Variants in FLI1 observed in about 807,000 individuals in gnomAD.
FLI1 encodes the protein Fli-1 proto-oncogene, ETS transcription factor.
In FLI1, 13 loss-of-function variants were observed where a neutral mutation model predicts 53.1. The ratio of observed to expected loss-of-function variants is 0.24; its 90% CI spans 0.16 to 0.39. The LOEUF is 0.39. Ranked by LOEUF, FLI1 falls within the 10% of genes least tolerant of loss-of-function variation. FLI1 has a pLI of 1.00. For synonymous variants in FLI1, 244 were observed against 236.7 expected (o/e 1.03, Z -0.28); for missense variants, 424 against 600.5 (o/e 0.71, Z 3.07).
chr11:128,753,121 A>G (rs373000646), intron 1 of FLI1, among the ~76,000 whole-genome samples: 10 of 152,318 alleles, frequency 6.6e-5, no homozygotes, highest in African/African-American at 2.4e-4. Flanking sequence ...CACCCTCTGG[A>G]TCTAGGACTC....
At chr11:128,694,752 C>T (rs573029203) in intron 1 of FLI1, among the ~76,000 whole-genome samples, 1 of 152,306 alleles carries the variant, frequency 6.6e-6, no homozygotes, top group African/African-American at 2.4e-5. Flanking sequence ...CTGGTGGGCC[C>T]TGGGGTGGGT....
rs117363142 is a variant in FLI1, at chr11:128,713,966, G to A, written c.18+19690G>A. Among the ~76,000 whole-genome samples, 629 of 152,264 alleles carry A rather than the reference G, an allele frequency of 4.1e-3. 5 individuals are homozygous for A. The highest frequency in any genetic ancestry group is 7.1e-3 in the Admixed American group (108 of 15,298). ...ATTTTCTTAGCCACTCTCTTCTTCA[G>A]TAAAGGCAAGTAGAGTGTAATGAAG... On this transcript the variant is annotated intron_variant, in intron 1 of 8. Transcript: ENST00000527786.
At chr11:128,757,044 T>TC (rs1437690018) in intron 1 of FLI1, among the ~76,000 whole-genome samples, 1 of 107,028 alleles carries the variant, frequency 9.3e-6, no homozygotes, top group African/African-American at 3.6e-5. Context: ...CTAGCTAATT[T>TC]TTTCTTTCTT....
chr11:128,789,570 T>C (rs1251958089), intron 5 of FLI1, among the ~76,000 whole-genome samples: 1 of 152,210 alleles, frequency 6.6e-6, no homozygotes, highest in Non-Finnish European at 1.5e-5. Context: ...CTTTGCCTTA[T>C]TTCTCCGGGC....
intron 1 of FLI1, among the ~76,000 whole-genome samples, chr11:128,718,595 G>C (rs900769584): frequency 3.3e-5 from 5 of 152,216 alleles, no homozygotes; most frequent in Non-Finnish European, 7.3e-5. Context: ...CCTGCACCTG[G>C]AGACAACAGC....
chr11:128,768,426 A>G (rs1171660962), intron 3 of FLI1, 154 bp downstream of exon 3: 2 of 855,494 alleles, frequency 2.3e-6, no homozygotes, highest in African/African-American at 1.7e-5. Context: ...TCGCGCCTGT[A>G]ATCCCAGCAC....
chr11:128,706,556 G>A (rs1276707607), intron 1 of FLI1, among the ~76,000 whole-genome samples: 1 of 152,198 alleles, frequency 6.6e-6, no homozygotes, highest in East Asian at 1.9e-4. Flanking sequence ...GCTTCAAGAT[G>A]TAGTGTGTCA....
At position 128,728,163 on chromosome 11, in the gene FLI1, C is replaced by T. The variant is rs144417649; in HGVS notation, c.19-29952C>T. Among the ~76,000 whole-genome samples, 922 of 152,338 alleles carry T rather than the reference C, an allele frequency of 6.1e-3. 4 individuals are homozygous for T. The highest frequency in any genetic ancestry group is 0.014 in the African/African-American group (582 of 41,564). ...CATGGAGTCTGATAGTGCAGCAGGC[C>T]GGGGGCTAACGCTGTCTCCACCCAG... On this transcript the variant is annotated intron_variant, in intron 1 of 8. Transcript: ENST00000527786.
At chr11:128,760,118 T>C (rs972261030) in intron 2 of FLI1, among the ~76,000 whole-genome samples, 1 of 152,220 alleles carries the variant, frequency 6.6e-6, no homozygotes, top group African/African-American at 2.4e-5. Context: ...GATGTAATTC[T>C]GATGGTGCCG....
intron 1 of FLI1, among the ~76,000 whole-genome samples, chr11:128,732,613 G>C (rs1258569551): frequency 6.6e-6 from 1 of 152,192 alleles, no homozygotes; most frequent in Non-Finnish European, 1.5e-5. Flanking sequence ...TGAGAAAGAC[G>C]TTAAGGCCGG....
chr11:128,722,066 G>A (rs184549113), intron 1 of FLI1, among the ~76,000 whole-genome samples: 306 of 152,190 alleles, frequency 2.0e-3, no homozygotes, highest in African/African-American at 6.9e-3. Flanking sequence ...GACCCACCCC[G>A]CAGAAACCTC....
intron 1 of FLI1, among the ~76,000 whole-genome samples, chr11:128,719,032 T>G (rs1939137497): frequency 6.6e-6 from 1 of 152,218 alleles, no homozygotes; most frequent in Admixed American, 6.5e-5. Context: ...TAAAGAGCTG[T>G]TGTGAACATT....
At chr11:128,749,355 G>T (rs116202602) in intron 1 of FLI1, among the ~76,000 whole-genome samples, 3 of 152,284 alleles carry the variant, frequency 2.0e-5, no homozygotes, top group Middle Eastern at 3.4e-3. Flanking sequence ...TTCACTGAAG[G>T]CTCGTTCACT....
At chr11:128,764,910 C>T (rs1941272957) in intron 2 of FLI1, 1 of 1,374,414 alleles carries the variant, frequency 7.3e-7, no homozygotes, top group Admixed American at 2.0e-5. Context: ...AGCCCTTCTC[C>T]CTAAGGACAC....
chr11:128,780,879 A>C (rs1941894390), intron 4 of FLI1, among the ~76,000 whole-genome samples: 4 of 152,218 alleles, frequency 2.6e-5, no homozygotes, highest in Admixed American at 2.6e-4. Context: ...ATGTTTTATA[A>C]AAGCAGATCC....
intron 3 of FLI1, among the ~76,000 whole-genome samples, chr11:128,770,872 G>A (rs1220524234): frequency 6.6e-6 from 1 of 152,220 alleles, no homozygotes; most frequent in Non-Finnish European, 1.5e-5. Flanking sequence ...GTATCTGAGA[G>A]AGAGAGAGGA....
At chr11:128,696,040 G>T (rs191942332) in intron 1 of FLI1, 2 of 152,406 alleles carry the variant, frequency 1.3e-5, no homozygotes, top group Admixed American at 1.3e-4. Context: ...TGAGCAAAAG[G>T]AGGAAGCTGT....
chr11:128,735,830 A>T (rs565369317), intron 1 of FLI1, among the ~76,000 whole-genome samples: 1 of 152,346 alleles, frequency 6.6e-6, no homozygotes, highest in East Asian at 1.9e-4. Flanking sequence ...AGTATTTAGA[A>T]TAATAAGATG....
At chr11:128,793,854 T>A (rs1942350718) in intron 5 of FLI1, among the ~76,000 whole-genome samples, 3 of 152,202 alleles carry the variant, frequency 2.0e-5, no homozygotes, top group African/African-American at 7.2e-5. Flanking sequence ...GCTGTGGGAC[T>A]GTTGCTGGGG....
Sources: allele counts gnomAD v4.1 joint callset (sites outside exome capture counted in the v4.1 genomes callset), GRCh38; gene constraint gnomAD v4.1.1; transcripts MANE v1.5; gene names NCBI Gene and HGNC (gene_info 2026-07-23, HGNC 2026-07-21).